Variants in CNTN5 observed in about 807,000 individuals in gnomAD.
The protein encoded by CNTN5 is contactin 5.
CNTN5 carries 77 observed loss-of-function variants against 129.1 expected under a neutral mutation model. The ratio of observed to expected loss-of-function variants is 0.60; its 90% CI spans 0.50 to 0.72. CNTN5 has a LOEUF of 0.72. Ranked by LOEUF, CNTN5 falls within the 30% of genes least tolerant of loss-of-function variation. The pLI is 0.00. For synonymous variants in CNTN5, 509 were observed against 465.6 expected, an observed-to-expected ratio of 1.09 and a Z score of -1.20; for missense variants, 1,478 against 1,328.8, an observed-to-expected ratio of 1.11 and a Z score of -1.75.
At chr11:99,815,438 T>C (rs1376994778) in intron 3 of CNTN5, among the ~76,000 whole-genome samples, 1 of 152,008 alleles carries the variant, frequency 6.6e-6, no homozygotes, top group Non-Finnish European at 1.5e-5. Flanking sequence ...GTTGGAGAGT[T>C]AAAAATATCC....
At chr11:99,142,474 A>G (rs1434136548) in intron 1 of CNTN5, among the ~76,000 whole-genome samples, 1 of 152,068 alleles carries the variant, frequency 6.6e-6, no homozygotes, top group Non-Finnish European at 1.5e-5. Context: ...CTGCTGGTGT[A>G]GGAGCTATGG....
chr11:100,004,540 C>A (rs1428553115), intron 9 of CNTN5, among the ~76,000 whole-genome samples: 2 of 152,176 alleles, frequency 1.3e-5, no homozygotes, highest in Non-Finnish European at 2.9e-5. Context: ...ACGTGTTTCT[C>A]CACTTAAAAC....
rs543081340 is a variant in CNTN5 at position 99,893,694 on chromosome 11, C to A, written c.578-22360C>A. 2.6e-5 allele frequency among the ~76,000 whole-genome samples: 4 copies of A among 152,226 alleles called. No individual in the cohort carries two copies. In the East Asian group the frequency reaches 7.7e-4, roughly 29 times the overall value. On this transcript the variant is annotated intron_variant, in intron 6 of 24. Transcript: ENST00000524871. ...AGGTTGAATTTGATTGTCTCCAATT[C>A]AATGATAATATGGTAACATATGTTC...
intron 7 of CNTN5, among the ~76,000 whole-genome samples, chr11:99,925,183 G>A (rs1722688270): frequency 6.6e-6 from 1 of 152,132 alleles, no homozygotes; most frequent in Admixed American, 6.6e-5. Flanking sequence ...CCATCAGGGG[G>A]AATACTAGTG....
intron 6 of CNTN5, among the ~76,000 whole-genome samples, chr11:99,888,888 A>G (rs913082698): frequency 2.0e-5 from 3 of 152,222 alleles, no homozygotes; most frequent in Non-Finnish European, 2.9e-5. Flanking sequence ...CTAAGTTTAC[A>G]TTATGTCATT....
intron 1 of CNTN5, among the ~76,000 whole-genome samples, chr11:99,323,471 T>C (rs948237733): frequency 6.6e-6 from 1 of 152,308 alleles, no homozygotes; most frequent in Non-Finnish European, 1.5e-5. Context: ...TGTTAGTTCA[T>C]AATGAAATGT....
chr11:99,675,233 C>G (rs1368673596), intron 3 of CNTN5, among the ~76,000 whole-genome samples: 1 of 152,008 alleles, frequency 6.6e-6, no homozygotes, highest in Non-Finnish European at 1.5e-5. Flanking sequence ...AGAGAGTAAA[C>G]CCATAACTCC....
chr11:100,256,517 C>G lies in CNTN5; in HGVS notation c.2164+599C>G, dbSNP rs546330881. 7.9e-5 allele frequency among the ~76,000 whole-genome samples: 12 copies of G among 152,234 alleles called. No individual in the cohort carries two copies. The South Asian group carries it at 2.3e-3, about 29-fold the overall frequency. On this transcript the variant is annotated intron_variant, in intron 17 of 24. Transcript: ENST00000524871. ...AAAATCTATTCAGCTGGCAAGATGG[C>G]TGAATAGGAATAGCTCTGGTCTGCA...
chr11:100,184,537 G>A (rs947231263), intron 13 of CNTN5, among the ~76,000 whole-genome samples: 2 of 152,088 alleles, frequency 1.3e-5, no homozygotes, highest in Non-Finnish European at 2.9e-5. Flanking sequence ...AAGGGAACAG[G>A]GACACATACA....
At chr11:99,435,946 A>G (rs770831537) in intron 2 of CNTN5, among the ~76,000 whole-genome samples, 1 of 152,184 alleles carries the variant, frequency 6.6e-6, no homozygotes, top group Non-Finnish European at 1.5e-5. Context: ...GCAAGGTTTT[A>G]TAATTATTTT....
intron 1 of CNTN5, among the ~76,000 whole-genome samples, chr11:99,259,342 A>G (rs1480472438): frequency 6.6e-6 from 1 of 151,844 alleles, no homozygotes; most frequent in Non-Finnish European, 1.5e-5. Context: ...GTTTACACAT[A>G]AGTATTAATA....
intron 13 of CNTN5, among the ~76,000 whole-genome samples, chr11:100,086,285 C>A (rs1944550874): frequency 6.7e-6 from 1 of 150,266 alleles, no homozygotes; most frequent in African/African-American, 2.4e-5. Context: ...AAAGTTACGA[C>A]TTAAATATAA....
chr11:99,428,101 A>C (rs1001285175), intron 2 of CNTN5, among the ~76,000 whole-genome samples: 2 of 152,172 alleles, frequency 1.3e-5, no homozygotes, highest in African/African-American at 4.8e-5. Context: ...TTTACTGTAC[A>C]AAATTTGTTC....
chr11:99,725,606 G>T (rs960232393), intron 3 of CNTN5, among the ~76,000 whole-genome samples: 8 of 152,222 alleles, frequency 5.3e-5, no homozygotes, highest in African/African-American at 1.7e-4. Flanking sequence ...GAATATGTGT[G>T]TTAAAAACTA....
At chr11:100,234,657 G>T (rs564919375) in intron 16 of CNTN5, among the ~76,000 whole-genome samples, 8 of 150,608 alleles carry the variant, frequency 5.3e-5, no homozygotes, top group Admixed American at 1.3e-4. Flanking sequence ...GGTGGGGGTG[G>T]TTGGGGGCTA....
chr11:99,469,534 A>G (rs1945090156), intron 2 of CNTN5, among the ~76,000 whole-genome samples: 1 of 151,980 alleles, frequency 6.6e-6, no homozygotes, highest in South Asian at 2.1e-4. Context: ...CTATGTTGGG[A>G]TAATATTTTA....
At chr11:99,266,313 G>A (rs1317448032) in intron 1 of CNTN5, among the ~76,000 whole-genome samples, 2 of 152,008 alleles carry the variant, frequency 1.3e-5, no homozygotes, top group African/African-American at 4.8e-5. Context: ...AAGTATAGAG[G>A]ACAGGCCAGT....
chr11:100,332,281 C>T (rs979391877), intron 21 of CNTN5, among the ~76,000 whole-genome samples: 1 of 151,832 alleles, frequency 6.6e-6, no homozygotes, highest in African/African-American at 2.4e-5. Context: ...CTAGAGTAAA[C>T]CAAGAAATAT....
At chr11:99,843,444 C>A (rs1044722403) in intron 4 of CNTN5, among the ~76,000 whole-genome samples, 6 of 152,018 alleles carry the variant, frequency 3.9e-5, no homozygotes, top group South Asian at 2.1e-4. Flanking sequence ...CATCTTTTCC[C>A]AGAATTTTTT....
Sources: gnomAD v4.1 joint callset for allele counts (sites outside exome capture counted in the v4.1 genomes callset) on GRCh38, gnomAD v4.1.1 for gene constraint, MANE v1.5 for transcripts, NCBI Gene and HGNC (gene_info 2026-07-23, HGNC 2026-07-21) for gene names.